Variants in ME3 observed in about 807,000 individuals in gnomAD.
The protein encoded by ME3 is malic enzyme 3.
In ME3, 48 loss-of-function variants were observed where a neutral mutation model predicts 68.9. The ratio of observed to expected loss-of-function variants is 0.70; its 90% confidence interval spans 0.55 to 0.89. The LOEUF (loss-of-function observed/expected upper bound fraction) is 0.89, where lower values mean the gene tolerates loss of function less well. Ranked by LOEUF, ME3 falls within the 40% of genes least tolerant of loss-of-function variation. ME3 has a pLI of 0.00. For missense variants in ME3, 675 were observed against 797.4 expected, an observed-to-expected ratio of 0.85 and a Z score of 1.85; for synonymous variants, 320 against 318.8, an observed-to-expected ratio of 1.00 and a Z score of -0.04.
chr11:86,436,715 G>A (rs1022494994), downstream of ME3: 2 of 152,074 alleles, frequency 1.3e-5, no homozygotes, highest in African/African-American at 4.8e-5. Context: ...TGTGTTTAGT[G>A]TGAGGTGTCT....
chr11:86,464,278 G>T (rs865902250), intron 8 of ME3: 8 of 332,546 alleles, frequency 2.4e-5, no homozygotes, highest in South Asian at 2.0e-4. Flanking sequence ...GGTTTCTCTC[G>T]GACTTTACAA....
intron 4 of ME3, among the ~76,000 whole-genome samples, chr11:86,539,936 C>T (rs1003235885): frequency 6.6e-6 from 1 of 152,196 alleles, no homozygotes. Flanking sequence ...CTGACAACAC[C>T]TCACTAGGGC....
intron 2 of ME3, among the ~76,000 whole-genome samples, chr11:86,654,459 C>T (rs1240796330): frequency 5.9e-5 from 9 of 152,186 alleles, no homozygotes; most frequent in African/African-American, 1.9e-4. Flanking sequence ...AATCAATAAA[C>T]GTAATCCAGC....
intron 2 of ME3, among the ~76,000 whole-genome samples, chr11:86,569,553 A>G (rs190858740): frequency 4.6e-5 from 7 of 152,322 alleles, no homozygotes; most frequent in East Asian, 1.9e-4. Context: ...ACTACTAGAT[A>G]ATAAACTCAG....
At chr11:86,454,320 A>T (rs1225960660) in intron 8 of ME3, among the ~76,000 whole-genome samples, 2 of 152,232 alleles carry the variant, frequency 1.3e-5, no homozygotes, top group Non-Finnish European at 2.9e-5. Context: ...GAATCTCTAT[A>T]TAGAAAAGTC....
At chr11:86,560,190 G>A (rs1957137793) in intron 2 of ME3, among the ~76,000 whole-genome samples, 1 of 152,008 alleles carries the variant, frequency 6.6e-6, no homozygotes, top group South Asian at 2.1e-4. Flanking sequence ...GTTGAGGGAG[G>A]GCCCTGGTGG....
At chr11:86,600,766 T>C (rs1025141795) in intron 2 of ME3, among the ~76,000 whole-genome samples, 10 of 151,776 alleles carry the variant, frequency 6.6e-5, no homozygotes, top group Non-Finnish European at 1.3e-4. Context: ...CAGACCACAG[T>C]GCAATCAAAC....
chr11:86,536,077 G>A (rs66833360), intron 4 of ME3, among the ~76,000 whole-genome samples: 18,410 of 152,146 alleles, frequency 0.12, 1,264 homozygotes, highest in African/African-American at 0.18. Flanking sequence ...ATTTGTACAG[G>A]TTTGGGGAGT....
intron 2 of ME3, among the ~76,000 whole-genome samples, chr11:86,566,190 C>T (rs1178357549): frequency 6.6e-6 from 1 of 152,216 alleles, no homozygotes; most frequent in Non-Finnish European, 1.5e-5. Context: ...CCCATGGGGA[C>T]TGTGCTGGCC....
At chr11:86,559,022 C>G (rs573990510) in intron 3 of ME3, among the ~76,000 whole-genome samples, 2 of 152,316 alleles carry the variant, frequency 1.3e-5, no homozygotes, top group African/African-American at 4.8e-5. Context: ...GGAGCCAGGT[C>G]TCTGTGTTCA....
At chr11:86,496,010 G>T (rs1040675034) in intron 6 of ME3, among the ~76,000 whole-genome samples, 1 of 152,104 alleles carries the variant, frequency 6.6e-6, no homozygotes, top group African/African-American at 2.4e-5. Context: ...CAGCTGTTAA[G>T]CAAGGTCTGC....
At chr11:86,520,636 C>G (rs1156342378) in intron 4 of ME3, among the ~76,000 whole-genome samples, 2 of 152,146 alleles carry the variant, frequency 1.3e-5, no homozygotes, top group Admixed American at 6.5e-5. Flanking sequence ...CCCTCTTGTT[C>G]CTGCAGGATG....
chr11:86,509,756 C>CA (rs5793200), intron 4 of ME3, among the ~76,000 whole-genome samples: 2,495 of 102,438 alleles, frequency 0.024, 115 homozygotes, highest in African/African-American at 0.083. Flanking sequence ...GGGGGATTGG[C>CA]AAAAAAAAAA....
In ME3 at chr11:86,559,635, A is replaced by T. The variant is rs564524842; in HGVS notation, c.317+55T>A. The T allele has an allele frequency of 1.7e-5, 26 of 1,553,792 alleles. No individual in the cohort carries two copies. The African/African-American group carries it at 2.3e-4, about 14-fold the overall frequency. ...CAGAAAACCCTCTGTGAAGCACAGG[A>T]AACAGACAGCTCAGCCCAAGGACCA... On this transcript the variant is annotated intron_variant, in intron 3 of 14. Transcript: ENST00000543262.
intron 5 of ME3, among the ~76,000 whole-genome samples, chr11:86,502,501 A>G (rs1185262063): frequency 1.3e-5 from 2 of 152,240 alleles, no homozygotes; most frequent in Non-Finnish European, 2.9e-5. Flanking sequence ...CAGAGAAAAC[A>G]AAGTGTCTTC....
intron 8 of ME3, among the ~76,000 whole-genome samples, chr11:86,463,654 T>C (rs1950335270): frequency 6.6e-6 from 1 of 152,240 alleles, no homozygotes; most frequent in Admixed American, 6.5e-5. Flanking sequence ...ACTGAAGTCA[T>C]ATATTTTAAA....
At chr11:86,562,159 G>T (rs1003495463) in intron 2 of ME3, among the ~76,000 whole-genome samples, 1 of 151,974 alleles carries the variant, frequency 6.6e-6, no homozygotes, top group Non-Finnish European at 1.5e-5. Flanking sequence ...TCATACAATT[G>T]GAAGCATAAA....
At chr11:86,645,217 T>C (rs1594767559) in intron 2 of ME3, among the ~76,000 whole-genome samples, 2 of 152,194 alleles carry the variant, frequency 1.3e-5, no homozygotes, top group South Asian at 4.1e-4. Context: ...GACAGAACTA[T>C]TCACTCCCCT....
chr11:86,671,062 C>G (rs980329324), intron 2 of ME3, among the ~76,000 whole-genome samples: 1 of 152,208 alleles, frequency 6.6e-6, no homozygotes, highest in Non-Finnish European at 1.5e-5. Context: ...TACAAAAGAG[C>G]TAGCGGTGGG....
Sources: gnomAD v4.1 joint callset for allele counts (sites outside exome capture counted in the v4.1 genomes callset) on GRCh38, gnomAD v4.1.1 for gene constraint, MANE v1.5 for transcripts, NCBI Gene and HGNC (gene_info 2026-07-23, HGNC 2026-07-21) for gene names.